The following U2SURP variants were observed in gnomAD, a reference collection of about 807,000 sequenced individuals.
The protein encoded by U2SURP is U2 snRNP associated SURP domain containing, also known as U2 snRNP-associated SURP motif-containing protein.
A neutral mutation model predicts 144.9 loss-of-function variants in U2SURP; 9 were observed. The observed-to-expected ratio is 0.06, with a 90% CI of 0.04 to 0.11. The LOEUF (loss-of-function observed/expected upper bound fraction) is 0.11. Ranked by LOEUF, U2SURP falls within the 10% of genes least tolerant of loss-of-function variation. The pLI, the probability that U2SURP is intolerant of heterozygous loss-of-function variation, is 1.00. For synonymous variants in U2SURP, 408 were observed against 396.8 expected (o/e 1.03, Z -0.33); for missense variants, 724 against 1,226.7 (o/e 0.59, Z 6.12).
intron 13 of U2SURP, chr3:143,024,368 T>C: frequency 2.7e-6 from 1 of 370,424 alleles, no homozygotes; most frequent in Non-Finnish European, 5.2e-6. Flanking sequence ...TTTGACCCAA[T>C]CTGTTGTTAT....
chr3:143,012,465 T>C, intron 3 of U2SURP, 112 bp downstream of exon 3: 1 of 1,070,602 alleles, frequency 9.3e-7, no homozygotes. Flanking sequence ...TTCATCTTAT[T>C]CTATTTGAAA....
At chr3:143,022,107 A>G (rs1044024848) in intron 10 of U2SURP, among the ~76,000 whole-genome samples, 2 of 152,232 alleles carry the variant, frequency 1.3e-5, no homozygotes, top group African/African-American at 2.4e-5. Flanking sequence ...CTTCATTGTC[A>G]ATACATATTT....
At chr3:143,017,068 T>A in intron 6 of U2SURP, 93 bp downstream of exon 6, 1 of 1,310,858 alleles carries the variant, frequency 7.6e-7, no homozygotes, top group Non-Finnish European at 1.0e-6. Flanking sequence ...TTTTTTTCGT[T>A]TTTGGTGGGG....
In U2SURP at chr3:143,014,011, CT is replaced by C. The variant is rs1431734693; in HGVS notation, c.223-296del. On this transcript the variant is annotated intron_variant, in intron 3 of 27. Coordinates refer to ENST00000473835, the MANE Select transcript of U2SURP (RefSeq NM_001080415.2). ...ACATCTGTACTTTCCCCCTCAAATGCTTTTATTCTTGTTCTAAGCATTAGTG... is the reference window on the plus strand; with the variant it reads ...ACATCTGTACTTTCCCCCTCAAATGCTTTATTCTTGTTCTAAGCATTAGTG... 2.2e-4 allele frequency among the ~76,000 whole-genome samples: 33 copies of C among 151,946 alleles called. 4 individuals are homozygous for C. In the South Asian group the frequency reaches 2.9e-3, roughly 13 times the overall value.
chr3:143,027,294 A>T, intron 14 of U2SURP, 41 bp downstream of exon 14: 1 of 1,508,776 alleles, frequency 6.6e-7, no homozygotes, highest in South Asian at 1.1e-5. Context: ...TGTAACATAA[A>T]ATTTCCCATT....
intron 23 of U2SURP, 123 bp from the exon 24 acceptor site, chr3:143,042,994 G>A: frequency 1.1e-6 from 1 of 940,696 alleles, no homozygotes; most frequent in Non-Finnish European, 1.5e-6. Context: ...GGTATGAATT[G>A]TCCTATTATG....
Position 143,022,677 on chromosome 3 carries a change from A to G in U2SURP, c.1018+15A>G, listed in dbSNP as rs773709789. On this transcript the variant is annotated intron_variant, in intron 11 of 27. Transcript: ENST00000473835. ...AAATTTGAATGGTAAGAACATTTTT[A>G]TTATCCATTTATACAATTCAGATAT... 5 of 1,603,900 alleles carry G rather than the reference A, an allele frequency of 3.1e-6. No individual in the cohort carries two copies. Among genetic ancestry groups the G allele is most frequent in the African/African-American group, 2.7e-5 (2 of 74,258 alleles).
At chr3:143,027,029 A>T in intron 13 of U2SURP, 120 bp from the exon 14 acceptor site, 1 of 753,072 alleles carries the variant, frequency 1.3e-6, no homozygotes, top group Non-Finnish European at 2.2e-6. Context: ...TTTTGGTATT[A>T]AATTCGGTGT....
intron 10 of U2SURP, 28 bp from the exon 11 acceptor site, chr3:143,022,469 A>G: frequency 6.9e-6 from 10 of 1,439,124 alleles, no homozygotes; most frequent in Non-Finnish European, 9.2e-6. Context: ...TTTTTTGCAT[A>G]ATAAAAATCT....
chr3:143,048,489 T>C (rs1934663987), intron 24 of U2SURP, among the ~76,000 whole-genome samples: 1 of 152,208 alleles, frequency 6.6e-6, no homozygotes, highest in Non-Finnish European at 1.5e-5. Flanking sequence ...ACCCCCTTGC[T>C]TTCTCAGCCT....
intron 1 of U2SURP, among the ~76,000 whole-genome samples, 168 bp downstream of exon 1, chr3:143,001,841 C>T (rs1298272821): frequency 6.6e-6 from 1 of 152,224 alleles, no homozygotes; most frequent in African/African-American, 2.4e-5. Flanking sequence ...GGCCTGGTAT[C>T]TCCCCATAGT....
At chr3:143,034,130 A>C (rs1429070374) in intron 18 of U2SURP, among the ~76,000 whole-genome samples, 1 of 152,206 alleles carries the variant, frequency 6.6e-6, no homozygotes, top group Non-Finnish European at 1.5e-5. Flanking sequence ...TCAGCTGGGC[A>C]CAGTGGCTCA....
intron 24 of U2SURP, among the ~76,000 whole-genome samples, chr3:143,046,701 GT>G (rs1934480121): frequency 8.9e-6 from 1 of 112,318 alleles, no homozygotes; most frequent in Admixed American, 9.0e-5. Flanking sequence ...ACAAAATGAA[GT>G]CTCCCATGTC....
At chr3:143,026,423 CATTG>C (rs1386188129) in intron 13 of U2SURP, 2 of 152,192 alleles carry the variant, frequency 1.3e-5, no homozygotes, top group African/African-American at 4.8e-5. Flanking sequence ...ATAATTTCTT[CATTG>C]ATTGATAGTG....
At chr3:143,055,388 T>C (rs1380336223) in intron 27 of U2SURP, among the ~76,000 whole-genome samples, 1 of 152,164 alleles carries the variant, frequency 6.6e-6, no homozygotes, top group African/African-American at 2.4e-5. Context: ...GGTTAGCTGC[T>C]TTACTTTTCG....
intron 14 of U2SURP, 83 bp from the exon 15 acceptor site, chr3:143,028,257 A>G (rs921426221): frequency 7.0e-7 from 1 of 1,434,350 alleles, no homozygotes; most frequent in Non-Finnish European, 9.5e-7. Flanking sequence ...ATAGGCAAAT[A>G]ATATTTCTCA....
intron 1 of U2SURP, among the ~76,000 whole-genome samples, chr3:143,007,582 C>T (rs1010460679): frequency 6.6e-6 from 1 of 151,816 alleles, no homozygotes; most frequent in Non-Finnish European, 1.5e-5. Context: ...GCTGGGACTA[C>T]AGGTGCCCGC....
chr3:143,017,019 C>T (rs748691196), intron 6 of U2SURP, 44 bp downstream of exon 6: 5 of 1,519,840 alleles, frequency 3.3e-6, no homozygotes, highest in Non-Finnish European at 4.4e-6. Context: ...TCAGAGATGA[C>T]ACTGCCAGTG....
chr3:143,032,085 TC>T (rs1426039766), intron 16 of U2SURP, among the ~76,000 whole-genome samples: 1 of 151,654 alleles, frequency 6.6e-6, no homozygotes, highest in African/African-American at 2.4e-5. Context: ...TTTTTTTTTT[TC>T]CCCTGAGATG....
Sources: allele counts gnomAD v4.1 joint callset (sites outside exome capture counted in the v4.1 genomes callset), GRCh38; gene constraint gnomAD v4.1.1; transcripts MANE v1.5; gene names NCBI Gene and HGNC (gene_info 2026-07-23, HGNC 2026-07-21).